Variants in LRRC37A2 observed in about 807,000 individuals in gnomAD.
LRRC37A2 encodes the protein leucine-rich repeat-containing protein 37A2.
LRRC37A2 carries 9 observed loss-of-function variants against 68.8 expected under a neutral mutation model. That is an observed-to-expected ratio of 0.13 (90% CI 0.08 to 0.23). The LOEUF (loss-of-function observed/expected upper bound fraction) is 0.23. Ranked by LOEUF, LRRC37A2 falls within the 10% of genes least tolerant of loss-of-function variation. The pLI, the probability that LRRC37A2 is intolerant of heterozygous loss-of-function variation, is 1.00. For missense variants in LRRC37A2, 168 were observed against 950.4 expected (o/e 0.18, Z 10.82); for synonymous variants, 63 against 367.6 (o/e 0.17, Z 9.48).
At chr17:46,943,324 A>G in the LRRC37A2 span, among the ~76,000 whole-genome samples, 1 of 152,176 alleles carries the variant, frequency 6.6e-6, no homozygotes, top group Non-Finnish European at 1.5e-5. Flanking sequence ...TTGATGTGAC[A>G]GGCCAGCTCT....
chr17:46,967,254 T>C, the LRRC37A2 span, among the ~76,000 whole-genome samples: 1 of 152,234 alleles, frequency 6.6e-6, no homozygotes, highest in Non-Finnish European at 1.5e-5. Flanking sequence ...GGATCCCAGC[T>C]CTGCCACTTA....
chr17:46,844,305 C>CTTTTTTTT, the LRRC37A2 span, among the ~76,000 whole-genome samples: 1 of 127,418 alleles, frequency 7.8e-6, no homozygotes, highest in Non-Finnish European at 1.6e-5. Flanking sequence ...AGTTAGCCAC[C>CTTTTTTTT]TTTTTTTTTT....
chr17:46,900,202 T>TATACAC, the LRRC37A2 span, among the ~76,000 whole-genome samples: 43 of 101,164 alleles, frequency 4.3e-4, no homozygotes, highest in African/African-American at 1.1e-3. Context: ...TATATATATA[T>TATACAC]ACACACACAC....
chr17:46,875,002 C>A, the LRRC37A2 span: 1 of 1,586,888 alleles, frequency 6.3e-7, no homozygotes, highest in Admixed American at 1.7e-5. Context: ...CTGCCACCAC[C>A]GCCTCTGGCC....
At chr17:46,922,937 T>C in the LRRC37A2 span, 1 of 578,608 alleles carries the variant, frequency 1.7e-6, no homozygotes, top group African/African-American at 1.9e-5. Context: ...GAGGCTAGCC[T>C]TCAGCGAACA....
chr17:46,929,421 T>C, the LRRC37A2 span: 1 of 754,446 alleles, frequency 1.3e-6, no homozygotes. Context: ...GCTGTCGATT[T>C]AAATCAGTTA....
At chr17:46,784,605 G>C in the LRRC37A2 span, among the ~76,000 whole-genome samples, 1 of 152,058 alleles carries the variant, frequency 6.6e-6, no homozygotes, top group Non-Finnish European at 1.5e-5. Context: ...TGGAAAGGTG[G>C]GCTCTCCCGA....
the LRRC37A2 span, among the ~76,000 whole-genome samples, chr17:46,854,930 G>C: frequency 6.6e-6 from 1 of 152,150 alleles, no homozygotes; most frequent in Non-Finnish European, 1.5e-5. Context: ...AAAGTGCTGG[G>C]ATTACAGGCA....
the LRRC37A2 span, among the ~76,000 whole-genome samples, chr17:46,497,589 T>C: frequency 1.3e-5 from 2 of 150,234 alleles, no homozygotes; most frequent in Non-Finnish European, 2.9e-5. Flanking sequence ...CCCTTATAAT[T>C]GTATATATGT....
the LRRC37A2 span, among the ~76,000 whole-genome samples, chr17:46,898,875 A>G: frequency 3.9e-5 from 6 of 152,190 alleles, no homozygotes; most frequent in African/African-American, 1.2e-4. Context: ...AATGTTAAAC[A>G]TAGCGTTACC....
chr17:46,585,129 C>T, the LRRC37A2 span, among the ~76,000 whole-genome samples: 8 of 119,610 alleles, frequency 6.7e-5, no homozygotes, highest in South Asian at 9.8e-4. Flanking sequence ...ATGGTGAAAC[C>T]CTGTCTCTAC....
the LRRC37A2 span, among the ~76,000 whole-genome samples, chr17:46,741,266 A>G: frequency 6.6e-6 from 1 of 152,230 alleles, no homozygotes; most frequent in Non-Finnish European, 1.5e-5. Context: ...AGCTGCTCCC[A>G]ATGTAAAATC....
the LRRC37A2 span, among the ~76,000 whole-genome samples, chr17:46,965,356 A>G: frequency 5.3e-5 from 8 of 152,196 alleles, no homozygotes; most frequent in Admixed American, 4.6e-4. Context: ...TGTGCTGACA[A>G]GAAGTGCTGG....
chr17:46,416,221 G>A, the LRRC37A2 span, among the ~76,000 whole-genome samples: 1 of 50,324 alleles, frequency 2.0e-5, no homozygotes, highest in African/African-American at 5.6e-5. Flanking sequence ...ACTACATGAG[G>A]GAAACAACTA....
chr17:46,631,448 AGTG>A, the LRRC37A2 span, among the ~76,000 whole-genome samples: 1 of 143,930 alleles, frequency 6.9e-6, no homozygotes, highest in East Asian at 2.1e-4. Context: ...GACCTCCCAG[AGTG>A]GTGGGATTAC....
At chr17:47,035,122 G>T in the LRRC37A2 span, 1 of 152,150 alleles carries the variant, frequency 6.6e-6, no homozygotes, top group Non-Finnish European at 1.5e-5. Context: ...CTGGCACCTG[G>T]TGTTCTATAC....
the LRRC37A2 span, chr17:46,833,507 A>C: frequency 2.2e-6 from 1 of 454,388 alleles, no homozygotes; most frequent in South Asian, 1.6e-5. Context: ...TCACTGCCTG[A>C]CTTCTCTCTG....
chr17:46,545,922 A>T (rs2056243757), intron 8 of LRRC37A2, among the ~76,000 whole-genome samples: 1 of 148,830 alleles, frequency 6.7e-6, no homozygotes. Context: ...GCTTATTCAG[A>T]CTTCTTAAAA....
the LRRC37A2 span, among the ~76,000 whole-genome samples, chr17:46,826,557 A>G: frequency 6.6e-6 from 1 of 152,222 alleles, no homozygotes; most frequent in Admixed American, 6.5e-5. Context: ...GGTCTACCAC[A>G]ACCCCAGTGA....
Sources: allele counts gnomAD v4.1 joint callset (sites outside exome capture counted in the v4.1 genomes callset), GRCh38; gene constraint gnomAD v4.1.1; transcripts MANE v1.5; gene names NCBI Gene and HGNC (gene_info 2026-07-23, HGNC 2026-07-21).